The following TBX15 variants were observed in gnomAD, a reference collection of about 807,000 sequenced individuals.
The protein encoded by TBX15 is T-box transcription factor TBX15.
In TBX15, 18 loss-of-function variants were observed where a neutral mutation model predicts 53.9. That is an observed-to-expected ratio of 0.33 (90% CI 0.23 to 0.49). The LOEUF (loss-of-function observed/expected upper bound fraction) is 0.49, where lower values mean the gene tolerates loss of function less well. Among genes scored for constraint, TBX15 ranks in the 20% least tolerant of loss-of-function variants. The pLI, the probability that TBX15 is intolerant of heterozygous loss-of-function variation, is 0.98. For synonymous variants in TBX15, 295 were observed against 278.0 expected (o/e 1.06, Z -0.61); for missense variants, 692 against 749.5 (o/e 0.92, Z 0.90).
chr1:118,892,830 T>G (rs1171611476), intron 7 of TBX15, among the ~76,000 whole-genome samples: 1 of 152,178 alleles, frequency 6.6e-6, no homozygotes, highest in Non-Finnish European at 1.5e-5. Flanking sequence ...CTTCTTAATG[T>G]TAAAGCTTCA....
chr1:118,970,841 G>A (rs544913056), intron 1 of TBX15, among the ~76,000 whole-genome samples: 71 of 152,248 alleles, frequency 4.7e-4, no homozygotes, highest in African/African-American at 1.6e-3. Flanking sequence ...CCATGTGGCT[G>A]AGCCCTAAGC....
At chr1:118,924,610 A>G (rs746177703) in intron 4 of TBX15, 36 bp downstream of exon 4, 2 of 1,613,456 alleles carry the variant, frequency 1.2e-6, no homozygotes, top group Non-Finnish European at 1.7e-6. Flanking sequence ...ACAGAGGAAG[A>G]GAGAAAGAAA....
chr1:118,978,234 ATC>A (rs934322335), intron 1 of TBX15, among the ~76,000 whole-genome samples: 2 of 152,232 alleles, frequency 1.3e-5, no homozygotes, highest in African/African-American at 4.8e-5. Context: ...AGCTCTAAAA[ATC>A]TCTCTCTTTT....
upstream of TBX15, among the ~76,000 whole-genome samples, chr1:118,988,974 C>T (rs1657939001): frequency 6.6e-6 from 1 of 152,218 alleles, no homozygotes; most frequent in Non-Finnish European, 1.5e-5. Context: ...GACACAGGCG[C>T]CTTGAGAGCA....
At chr1:118,900,811 G>A (rs1212902989) in intron 6 of TBX15, among the ~76,000 whole-genome samples, 1 of 152,146 alleles carries the variant, frequency 6.6e-6, no homozygotes, top group Non-Finnish European at 1.5e-5. Context: ...AGAAGAAATA[G>A]ATAGGCCAGG....
At chr1:118,925,169 A>G (rs1208913902) in intron 3 of TBX15, among the ~76,000 whole-genome samples, 1 of 152,204 alleles carries the variant, frequency 6.6e-6, no homozygotes, top group East Asian at 1.9e-4. Flanking sequence ...CTGAACTCAC[A>G]TGTCTAGCTA....
At chr1:118,986,664 C>T (rs901413576) in intron 1 of TBX15, among the ~76,000 whole-genome samples, 1 of 152,184 alleles carries the variant, frequency 6.6e-6, no homozygotes, top group African/African-American at 2.4e-5. Flanking sequence ...GGGTCTACTC[C>T]CCAGCTCTGG....
At chr1:118,893,791 C>T (rs981628611) in intron 7 of TBX15, among the ~76,000 whole-genome samples, 2 of 152,158 alleles carry the variant, frequency 1.3e-5, no homozygotes, top group Non-Finnish European at 2.9e-5. Context: ...GTTTGCCAAA[C>T]ACATTGACAT....
intron 1 of TBX15, among the ~76,000 whole-genome samples, chr1:118,945,037 A>G (rs2101644074): frequency 6.6e-6 from 1 of 152,326 alleles, no homozygotes; most frequent in Middle Eastern, 3.4e-3. Context: ...TTAAAAATCC[A>G]TACTTTTTAG....
chr1:118,891,636 A>G (rs1488202605), intron 7 of TBX15, among the ~76,000 whole-genome samples: 1 of 152,188 alleles, frequency 6.6e-6, no homozygotes, highest in Non-Finnish European at 1.5e-5. Flanking sequence ...ACTCAATGAG[A>G]TTTTGGTAGA....
At chr1:118,899,418 G>A (rs929372350) in intron 6 of TBX15, among the ~76,000 whole-genome samples, 2 of 152,162 alleles carry the variant, frequency 1.3e-5, no homozygotes, top group South Asian at 2.1e-4. Context: ...AGCATGGTAA[G>A]TATTAAAGGT....
intron 3 of TBX15, among the ~76,000 whole-genome samples, chr1:118,925,634 G>A (rs1216459621): frequency 6.6e-6 from 1 of 152,130 alleles, no homozygotes; most frequent in Non-Finnish European, 1.5e-5. Flanking sequence ...CATGGGACCT[G>A]GACCCTGAGA....
intron 2 of TBX15, among the ~76,000 whole-genome samples, chr1:118,927,882 C>G (rs998083472): frequency 6.6e-6 from 1 of 152,150 alleles, no homozygotes; most frequent in African/African-American, 2.4e-5. Context: ...TTTGGATTGC[C>G]CTGAATGTGC....
chr1:118,898,954 G>A, intron 7 of TBX15, 74 bp downstream of exon 7: 2 of 1,447,536 alleles, frequency 1.4e-6, no homozygotes. Flanking sequence ...GAGGCCAGAT[G>A]TGCTATATTC....
At chr1:118,939,440 A>AAAAAAAAAAAG (rs1656090155) in intron 1 of TBX15, among the ~76,000 whole-genome samples, 1 of 137,460 alleles carries the variant, frequency 7.3e-6, no homozygotes, top group African/African-American at 2.7e-5. Context: ...AAAAAAACAA[A>AAAAAAAAAAAG]AACAGGAACA....
intron 7 of TBX15, among the ~76,000 whole-genome samples, chr1:118,898,821 A>T (rs1303098644): frequency 6.6e-6 from 1 of 152,228 alleles, no homozygotes; most frequent in Non-Finnish European, 1.5e-5. Context: ...GAGCATTTTG[A>T]GTGCCAGATG....
chr1:118,893,309 G>GGAAGGAAGGAAGGAAA (rs1654227177), intron 7 of TBX15, among the ~76,000 whole-genome samples: 1 of 104,808 alleles, frequency 9.5e-6, no homozygotes, highest in Non-Finnish European at 1.8e-5. Flanking sequence ...AAGGAAGGAA[G>GGAAGGAAGGAAGGAAA]GAAGGAAAGA....
At chr1:118,890,274 C>T (rs907712167) in intron 7 of TBX15, among the ~76,000 whole-genome samples, 7 of 152,084 alleles carry the variant, frequency 4.6e-5, no homozygotes, top group Non-Finnish European at 8.8e-5. Flanking sequence ...AATGGCTGCC[C>T]GTGTCTCCAT....
chr1:118,975,824 T>C (rs1657410423), intron 1 of TBX15, among the ~76,000 whole-genome samples: 1 of 152,208 alleles, frequency 6.6e-6, no homozygotes, highest in African/African-American at 2.4e-5. Context: ...TGGAGAAGTA[T>C]AGTAACATCT....
Sources: allele counts gnomAD v4.1 joint callset (sites outside exome capture counted in the v4.1 genomes callset), GRCh38; gene constraint gnomAD v4.1.1; transcripts MANE v1.5; gene names NCBI Gene and HGNC (gene_info 2026-07-23, HGNC 2026-07-21).